The following PRKG1 variants were observed in gnomAD, a reference collection of about 807,000 sequenced individuals.
PRKG1 encodes protein kinase cGMP-dependent 1.
PRKG1 carries 35 observed loss-of-function variants against 88.1 expected under a neutral mutation model. The ratio of observed to expected loss-of-function variants is 0.40; its 90% CI spans 0.30 to 0.53. The LOEUF is 0.53. Among genes scored for constraint, PRKG1 ranks in the 20% least tolerant of loss-of-function variants. PRKG1 has a pLI of 0.59. For missense variants in PRKG1, 540 were observed against 839.8 expected (o/e 0.64, Z 4.41); for synonymous variants, 303 against 292.5 (o/e 1.04, Z -0.37).
intron 1 of PRKG1, among the ~76,000 whole-genome samples, chr10:51,144,567 A>AT (rs1845895669): frequency 6.6e-6 from 1 of 152,092 alleles, no homozygotes; most frequent in Non-Finnish European, 1.5e-5. Context: ...TATTGGGTTA[A>AT]TTTTTCACTT....
intron 3 of PRKG1, among the ~76,000 whole-genome samples, chr10:51,778,192 G>A (rs1037564932): frequency 6.6e-6 from 1 of 152,166 alleles, no homozygotes; most frequent in African/African-American, 2.4e-5. Context: ...AATCTGGAAT[G>A]TGCCACATTT....
At chr10:51,298,351 T>C (rs1481808752) in intron 2 of PRKG1, among the ~76,000 whole-genome samples, 1 of 152,162 alleles carries the variant, frequency 6.6e-6, no homozygotes, top group Admixed American at 6.5e-5. Flanking sequence ...TCTTAAAAGA[T>C]TTAGGTTCTG....
chr10:51,750,361 C>T (rs56412404), intron 3 of PRKG1, among the ~76,000 whole-genome samples: 1 of 152,134 alleles, frequency 6.6e-6, no homozygotes, highest in African/African-American at 2.4e-5. Context: ...TAAGAAATCA[C>T]TAACAGACAT....
chr10:51,372,397 C>T (rs925554448), intron 2 of PRKG1, among the ~76,000 whole-genome samples: 1 of 152,138 alleles, frequency 6.6e-6, no homozygotes, highest in Admixed American at 6.6e-5. Context: ...AATCACTTTA[C>T]TAATTCTAAT....
At chr10:51,393,896 A>G (rs293224) in intron 2 of PRKG1, among the ~76,000 whole-genome samples, 2,838 of 152,244 alleles carry the variant, frequency 0.019, 84 homozygotes, top group African/African-American at 0.065. Flanking sequence ...ATATGGTAAA[A>G]AGCATTACGT....
At chr10:51,550,387 T>G (rs1477861646) in intron 3 of PRKG1, among the ~76,000 whole-genome samples, 1 of 151,100 alleles carries the variant, frequency 6.6e-6, no homozygotes, top group African/African-American at 2.4e-5. Flanking sequence ...TTAAAATTAG[T>G]TTTTTTTATG....
chr10:51,718,350 A>G (rs1443242524), intron 3 of PRKG1, among the ~76,000 whole-genome samples: 3 of 152,184 alleles, frequency 2.0e-5, no homozygotes, highest in East Asian at 1.9e-4. Flanking sequence ...AACAAGCTCA[A>G]GTGAAGACCA....
intron 2 of PRKG1, among the ~76,000 whole-genome samples, chr10:51,323,187 C>T (rs182446283): frequency 7.2e-5 from 11 of 152,140 alleles, no homozygotes; most frequent in Non-Finnish European, 8.8e-5. Flanking sequence ...ATACTATTAG[C>T]GAATAAAATA....
chr10:51,748,260 G>A (rs1031964149), intron 3 of PRKG1, among the ~76,000 whole-genome samples: 5 of 152,172 alleles, frequency 3.3e-5, no homozygotes, highest in Admixed American at 6.5e-5. Context: ...CATGTTCTAC[G>A]TAACTAACCA....
chr10:52,069,427 G>A (rs975331656), intron 7 of PRKG1, among the ~76,000 whole-genome samples: 6 of 151,946 alleles, frequency 3.9e-5, no homozygotes, highest in Non-Finnish European at 7.4e-5. Context: ...GCTACTCGGG[G>A]GGCTGAAGTA....
intron 7 of PRKG1, among the ~76,000 whole-genome samples, chr10:52,105,662 G>A (rs1279074363): frequency 1.3e-5 from 2 of 151,788 alleles, no homozygotes; most frequent in Non-Finnish European, 2.9e-5. Context: ...TACAAGTGCA[G>A]GTTCGTTACG....
At chr10:51,313,639 TG>T (rs914515023) in intron 2 of PRKG1, among the ~76,000 whole-genome samples, 8 of 152,204 alleles carry the variant, frequency 5.3e-5, no homozygotes, top group Non-Finnish European at 1.2e-4. Context: ...TATGTAGCCC[TG>T]CTATATATAC....
At chr10:52,089,709 T>C (rs1011442003) in intron 7 of PRKG1, among the ~76,000 whole-genome samples, 3 of 152,036 alleles carry the variant, frequency 2.0e-5, no homozygotes, top group African/African-American at 7.2e-5. Context: ...AGCAAACATA[T>C]TTTCTAGTTC....
chr10:51,424,116 A>G (rs1377955926), intron 2 of PRKG1, among the ~76,000 whole-genome samples: 1 of 152,104 alleles, frequency 6.6e-6, no homozygotes, highest in African/African-American at 2.4e-5. Flanking sequence ...AAAATACCTA[A>G]GATAAAACAT....
At chr10:52,241,098 T>C (rs1049885829) in intron 9 of PRKG1, among the ~76,000 whole-genome samples, 5 of 152,180 alleles carry the variant, frequency 3.3e-5, no homozygotes, top group Admixed American at 3.3e-4. Flanking sequence ...TATAGTTCTA[T>C]TTCAAACATC....
rs191437842 is a variant in PRKG1, at chr10:51,319,395, C to G, written c.479-148328C>G. Among the ~76,000 whole-genome samples, 186 of 152,274 alleles carry G rather than the reference C, an allele frequency of 1.2e-3. No individual in the cohort carries two copies. In the Middle Eastern group the frequency reaches 0.017, roughly 14 times the overall value. On this transcript the variant is annotated intron_variant, in intron 2 of 17. Coordinates refer to ENST00000373980, the MANE Select transcript of PRKG1 (RefSeq NM_006258.4). ...GAACATAATTCTTTGACCTAGTTAA[C>G]AATTTTTGGCCTGCTTTGTGCTATT...
chr10:51,941,902 C>T lies in PRKG1; in HGVS notation c.762+34332C>T, dbSNP rs1254597415. Reference sequence around the variant, plus strand: ...AAGTCTTTGCTATTGTGAATAGTGCCGCAATAAACATATGTGTGCATGTCT... The same window carrying T: ...AAGTCTTTGCTATTGTGAATAGTGCTGCAATAAACATATGTGTGCATGTCT... On this transcript the variant is annotated intron_variant, in intron 5 of 17. Coordinates refer to ENST00000373980, the MANE Select transcript of PRKG1 (RefSeq NM_006258.4). 1.6e-4 allele frequency among the ~76,000 whole-genome samples: 24 copies of T among 151,904 alleles called. 1 individual carries two copies. Among genetic ancestry groups the T allele is most frequent in the African/African-American group, 4.6e-4 (19 of 41,326 alleles).
At chr10:51,839,769 C>A (rs188479966) in intron 4 of PRKG1, among the ~76,000 whole-genome samples, 1 of 152,258 alleles carries the variant, frequency 6.6e-6, no homozygotes, top group Non-Finnish European at 1.5e-5. Context: ...TAACAGGAAC[C>A]ATCTACTATA....
At chr10:51,722,477 T>C (rs772168464) in intron 3 of PRKG1, among the ~76,000 whole-genome samples, 1 of 151,874 alleles carries the variant, frequency 6.6e-6, no homozygotes, top group Non-Finnish European at 1.5e-5. Context: ...TTATATTATG[T>C]TGATACTTAT....
Sources: allele counts gnomAD v4.1 joint callset (sites outside exome capture counted in the v4.1 genomes callset), GRCh38; gene constraint gnomAD v4.1.1; transcripts MANE v1.5; gene names NCBI Gene and HGNC (gene_info 2026-07-23, HGNC 2026-07-21).